Variants in TECR observed in about 807,000 individuals in gnomAD.
TECR encodes trans-2,3-enoyl-CoA reductase.
In TECR, 19 loss-of-function variants were observed where a neutral mutation model predicts 50.6. The observed-to-expected ratio is 0.38, with a 90% CI of 0.26 to 0.55. TECR has a LOEUF of 0.55. TECR is among the 20% of genes least tolerant of loss of function. The probability of loss-of-function intolerance (pLI) is 0.79; values close to 1 mark genes in which losing one functional copy is unlikely to be tolerated. For synonymous variants in TECR, 168 were observed against 163.5 expected (o/e 1.03, Z -0.21); for missense variants, 313 against 408.3 (o/e 0.77, Z 2.01).
At chr19:14,530,084 C>G (rs2072569284) in intron 1 of TECR, 1 of 357,138 alleles carries the variant, frequency 2.8e-6, no homozygotes, top group African/African-American at 2.1e-5. Flanking sequence ...TCTTGCGCCA[C>G]GCCGCCGTCA....
chr19:14,529,847 G>A, intron 1 of TECR, 136 bp downstream of exon 1: 2 of 1,227,616 alleles, frequency 1.6e-6, no homozygotes, highest in South Asian at 2.5e-5. Flanking sequence ...GTGGGCAAGC[G>A]TTGCGCCCCG....
At chr19:14,549,371 C>T (rs1458949240) in intron 1 of TECR, among the ~76,000 whole-genome samples, 2 of 151,996 alleles carry the variant, frequency 1.3e-5, no homozygotes, top group Admixed American at 6.6e-5. Flanking sequence ...CGCCACCATG[C>T]CCAGCTAACT....
intron 1 of TECR, among the ~76,000 whole-genome samples, chr19:14,560,233 C>G (rs1978625): frequency 0.6 from 91,369 of 151,676 alleles, 28,539 homozygotes; most frequent in African/African-American, 0.77. Flanking sequence ...GAGCAGGGTA[C>G]GATTTCACCC....
At chr19:14,529,014 G>A (rs1488908621), upstream of TECR, 1 of 153,692 alleles carries the variant, frequency 6.5e-6, no homozygotes, top group Non-Finnish European at 1.5e-5. Context: ...ACCCCAGAAT[G>A]GGGCTGGGGC....
chr19:14,544,273 C>T (rs1230443360), intron 1 of TECR, among the ~76,000 whole-genome samples: 4 of 152,056 alleles, frequency 2.6e-5, no homozygotes, highest in Non-Finnish European at 1.5e-5. Context: ...TTGGCACCTT[C>T]TGATAAGGCA....
chr19:14,556,919 C>G lies in TECR; in HGVS notation c.16-5606C>G, dbSNP rs73927061. ...CTCGGCCTCTGCACCGAAAGTATCT[C>G]GCTATTGTTAGGGTTTGGGTTCACT... is the stretch of plus-strand genomic sequence containing the variant. On this transcript the variant is annotated intron_variant, in intron 1 of 12. Transcript: ENST00000215567. Among the ~76,000 whole-genome samples, 530 of 152,190 alleles carry G rather than the reference C, an allele frequency of 3.5e-3. 6 individuals carry two copies. Among genetic ancestry groups the G allele is most frequent in the African/African-American group, 0.012 (488 of 41,526 alleles).
At chr19:14,538,976 ATT>A (rs869186799) in intron 1 of TECR, among the ~76,000 whole-genome samples, 21 of 132,888 alleles carry the variant, frequency 1.6e-4, no homozygotes, top group South Asian at 2.4e-4. Context: ...TGCAAGTCAC[ATT>A]TTTTTTTTTT....
At chr19:14,547,341 G>C (rs2146592432) in intron 1 of TECR, among the ~76,000 whole-genome samples, 1 of 146,498 alleles carries the variant, frequency 6.8e-6, no homozygotes, top group African/African-American at 2.5e-5. Flanking sequence ...ACCGTACCTG[G>C]CCTATTTTAT....
rs768616102 is a variant in TECR, at chr19:14,565,910, G to A, written c.*39G>A. On this transcript the variant is annotated 3_prime_UTR_variant, in exon 13 of 13. Coordinates refer to ENST00000215567, the MANE Select transcript of TECR (RefSeq NM_138501.6). Reference sequence around the variant, plus strand: ...CTGAGGCTCAGCCCCTCAACCCGGTGGCATTCTGGGGGAGGAGTGGGGCCC... The same window carrying A: ...CTGAGGCTCAGCCCCTCAACCCGGTAGCATTCTGGGGGAGGAGTGGGGCCC... 22 of 1,551,514 alleles carry A rather than the reference G, an allele frequency of 1.4e-5. No individual in the cohort carries two copies. Among genetic ancestry groups the A allele is most frequent in the Non-Finnish European group, 1.9e-5 (22 of 1,149,108 alleles).
chr19:14,546,898 C>T (rs2073326545), intron 1 of TECR, among the ~76,000 whole-genome samples: 2 of 152,176 alleles, frequency 1.3e-5, no homozygotes, highest in African/African-American at 2.4e-5. Context: ...CTATGTTGGC[C>T]AGGCTGGTCT....
At chr19:14,529,527 C>G (rs554883325), upstream of TECR, 1 of 868,642 alleles carries the variant, frequency 1.2e-6, no homozygotes, top group Non-Finnish European at 1.9e-6. Context: ...CGAACGTGGG[C>G]GCCTCGTGCC....
rs190512812 is a variant in TECR, at chr19:14,540,473, A to G, written c.15+10762A>G. Among the ~76,000 whole-genome samples the G allele has an allele frequency of 2.5e-3, 367 of 148,266 alleles. 3 individuals carry two copies. The highest frequency in any genetic ancestry group is 9.0e-3 in the African/African-American group (359 of 40,070). ...AGTGGTGCGATCTTGGCTCTCTGCA[A>G]CCTCTGCGTCTGGGATTCAAGCATT... On this transcript the variant is annotated intron_variant, in intron 1 of 12. Transcript: ENST00000215567.
chr19:14,562,681 G>C (rs1225285041), intron 2 of TECR, 106 bp downstream of exon 2: 10 of 1,285,654 alleles, frequency 7.8e-6, no homozygotes, highest in African/African-American at 5.9e-5. Context: ...CCCACCCCCT[G>C]CCCTATGGAG....
chr19:14,538,561 T>G (rs1466848004), intron 1 of TECR, among the ~76,000 whole-genome samples: 2 of 146,406 alleles, frequency 1.4e-5, no homozygotes, highest in African/African-American at 2.5e-5. Flanking sequence ...TGAGATAGAG[T>G]CTTCCTCTGT....
intron 2 of TECR, 24 bp downstream of exon 2, chr19:14,562,599 C>G: frequency 6.2e-7 from 1 of 1,613,970 alleles, no homozygotes; most frequent in Non-Finnish European, 8.5e-7. Flanking sequence ...GTGGGCTGCA[C>G]TGGGCCAAGG....
intron 1 of TECR, among the ~76,000 whole-genome samples, chr19:14,551,203 G>C (rs1424932578): frequency 6.6e-6 from 1 of 151,798 alleles, no homozygotes; most frequent in Non-Finnish European, 1.5e-5. Context: ...CTCCTGAGTA[G>C]CTGGGATTAC....
chr19:14,560,230 G>A (rs894223174), intron 1 of TECR, among the ~76,000 whole-genome samples: 10 of 152,318 alleles, frequency 6.6e-5, no homozygotes, highest in African/African-American at 1.9e-4. Context: ...GGGGAGCAGG[G>A]TACGATTTCA....
At chr19:14,535,586 A>ATG (rs2072867876) in intron 1 of TECR, among the ~76,000 whole-genome samples, 3 of 41,076 alleles carry the variant, frequency 7.3e-5, no homozygotes, top group Admixed American at 2.7e-4. Flanking sequence ...ATATATATAT[A>ATG]TATGTATGTA....
At chr19:14,549,353 C>T (rs1413401957) in intron 1 of TECR, among the ~76,000 whole-genome samples, 1 of 151,840 alleles carries the variant, frequency 6.6e-6, no homozygotes, top group Non-Finnish European at 1.5e-5. Context: ...GCTGGGACTA[C>T]AGGCATGCGC....
Sources: allele counts gnomAD v4.1 joint callset (sites outside exome capture counted in the v4.1 genomes callset), GRCh38; gene constraint gnomAD v4.1.1; transcripts MANE v1.5; gene names NCBI Gene and HGNC (gene_info 2026-07-23, HGNC 2026-07-21).